Variants in ERBB4 observed in about 807,000 individuals in gnomAD.
ERBB4 encodes receptor tyrosine-protein kinase erbB-4.
A neutral mutation model predicts 158.0 loss-of-function variants in ERBB4; 42 were observed. That is an observed-to-expected ratio of 0.27 (90% CI 0.21 to 0.34). ERBB4 has a LOEUF of 0.34. Among genes scored for constraint, ERBB4 ranks in the 10% least tolerant of loss-of-function variants. The pLI is 1.00. For missense variants in ERBB4, 1,333 were observed against 1,624.1 expected (o/e 0.82, Z 3.08); for synonymous variants, 583 against 558.7 (o/e 1.04, Z -0.61).
chr2:212,358,874 T>C (rs1409725407), intron 1 of ERBB4, among the ~76,000 whole-genome samples: 2 of 151,758 alleles, frequency 1.3e-5, no homozygotes, highest in Admixed American at 6.6e-5. Flanking sequence ...TCAAAAGATA[T>C]ATACAATATA....
chr2:211,475,698 T>C (rs530673352), intron 20 of ERBB4, among the ~76,000 whole-genome samples: 5 of 152,216 alleles, frequency 3.3e-5, no homozygotes, highest in East Asian at 1.9e-4. Flanking sequence ...CTTGTCAAAA[T>C]TGGACTAGAC....
At chr2:211,486,015 T>C (rs566683093) in intron 20 of ERBB4, among the ~76,000 whole-genome samples, 1 of 152,302 alleles carries the variant, frequency 6.6e-6, no homozygotes, top group Admixed American at 6.5e-5. Flanking sequence ...TTTATATTTA[T>C]GTTTTTCTGT....
At chr2:211,481,681 T>C (rs1190046793) in intron 20 of ERBB4, among the ~76,000 whole-genome samples, 1 of 152,124 alleles carries the variant, frequency 6.6e-6, no homozygotes, top group Non-Finnish European at 1.5e-5. Context: ...CTCTTAATAT[T>C]CAACATAGTG....
At chr2:211,704,275 A>G (rs2106046887) in intron 10 of ERBB4, 81 bp from the exon 11 acceptor site, 1 of 915,980 alleles carries the variant, frequency 1.1e-6, no homozygotes, top group East Asian at 2.4e-5. Context: ...ATATGGTGAA[A>G]ATGTGTTGAA....
At chr2:212,173,585 G>C (rs1351263316) in intron 1 of ERBB4, among the ~76,000 whole-genome samples, 1 of 152,122 alleles carries the variant, frequency 6.6e-6, no homozygotes, top group East Asian at 1.9e-4. Flanking sequence ...TGTGTACCAG[G>C]AGATTTCACT....
chr2:211,453,177 C>A (rs1372825093), intron 20 of ERBB4, among the ~76,000 whole-genome samples: 1 of 152,158 alleles, frequency 6.6e-6, no homozygotes, highest in East Asian at 1.9e-4. Flanking sequence ...AATGGTAACA[C>A]CTCAAGAAAA....
chr2:212,023,270 C>A lies in ERBB4; in HGVS notation c.235-75654G>T, dbSNP rs149189676. On this transcript the variant is annotated intron_variant, in intron 2 of 27. Transcript: ENST00000342788. ...TACTTTACTACATAATTTTTGTAGT[C>A]CATTGTAGTTCATTTTGAAATTTCA... Among the ~76,000 whole-genome samples, 86 of 152,156 alleles carry A rather than the reference C, an allele frequency of 5.7e-4. No individual in the cohort carries two copies. The East Asian group carries it at 0.016, about 28-fold the overall frequency.
At chr2:211,877,513 TC>T (rs1240419658) in intron 3 of ERBB4, among the ~76,000 whole-genome samples, 1 of 152,154 alleles carries the variant, frequency 6.6e-6, no homozygotes, top group Non-Finnish European at 1.5e-5. Context: ...AAGCATACTT[TC>T]GGGGTTTTTC....
At chr2:211,743,929 C>T (rs537058210) in intron 5 of ERBB4, among the ~76,000 whole-genome samples, 2 of 152,268 alleles carry the variant, frequency 1.3e-5, no homozygotes, top group African/African-American at 2.4e-5. Context: ...TTTATAGGGT[C>T]ATGGTGCTCT....
chr2:212,346,751 A>G (rs2106331974), intron 1 of ERBB4, among the ~76,000 whole-genome samples: 1 of 152,234 alleles, frequency 6.6e-6, no homozygotes, highest in Non-Finnish European at 1.5e-5. Context: ...TATGTGTTGA[A>G]ACTTTAATGC....
chr2:212,082,227 T>C (rs1227126094), intron 2 of ERBB4, among the ~76,000 whole-genome samples: 2 of 152,110 alleles, frequency 1.3e-5, no homozygotes, highest in Non-Finnish European at 2.9e-5. Context: ...ATTACATATA[T>C]AGAAATTATT....
rs531784339 is a variant in ERBB4 at position 211,762,678 on chromosome 2, G to A, written c.557-11974C>T. Among the ~76,000 whole-genome samples, 52 of 152,284 alleles carry A rather than the reference G, an allele frequency of 3.4e-4. No individual in the cohort carries two copies. In the South Asian group the frequency reaches 9.9e-3, roughly 29 times the overall value. ...AACCACCCACGTGTTCACTTTGTGAGTGGTGTCACATTTGAGAAACGTGGT... is the reference window on the plus strand; with the variant it reads ...AACCACCCACGTGTTCACTTTGTGAATGGTGTCACATTTGAGAAACGTGGT... On this transcript the variant is annotated intron_variant, in intron 4 of 27. Coordinates refer to ENST00000342788, the MANE Select transcript of ERBB4 (RefSeq NM_005235.3).
intron 19 of ERBB4, among the ~76,000 whole-genome samples, chr2:211,600,434 A>C (rs1312731893): frequency 6.6e-6 from 1 of 152,208 alleles, no homozygotes; most frequent in Admixed American, 6.5e-5. Flanking sequence ...CCAAGTGCCT[A>C]CAAAGAGGGA....
rs543559553 is a variant in ERBB4, at chr2:211,382,388, G to C, written c.*1227C>G. The C allele has an allele frequency of 4.3e-6, 1 of 232,442 alleles. No homozygotes were observed. Among genetic ancestry groups the C allele is most frequent in the East Asian group, 6.1e-5 (1 of 16,414 alleles). The allele number at this position is 232,442 out of a possible 1,614,324, so 14.4% of individuals were successfully genotyped here. ...CCGTTGCAAGGTTCCTAATTTGCTT[G>C]GTTTGGCATTTCCACAGTCTTTATC... On this transcript the variant is annotated 3_prime_UTR_variant, in exon 28 of 28. Coordinates refer to ENST00000342788, the MANE Select transcript of ERBB4 (RefSeq NM_005235.3).
chr2:212,381,471 TATATGTGTAGTGAGA>T (rs1236168705), intron 1 of ERBB4, among the ~76,000 whole-genome samples: 7 of 151,356 alleles, frequency 4.6e-5, no homozygotes, highest in Non-Finnish European at 1.0e-4. Context: ...CTATTACATG[TATATGTGTAGTGAGA>T]CATTACTTTT....
intron 1 of ERBB4, among the ~76,000 whole-genome samples, chr2:212,478,486 G>A (rs1317938885): frequency 2.0e-5 from 3 of 149,628 alleles, no homozygotes; most frequent in South Asian, 2.1e-4. Flanking sequence ...ATAAGTGAGC[G>A]AGAGTATTCA....
chr2:212,408,408 T>C (rs780686400), intron 1 of ERBB4, among the ~76,000 whole-genome samples: 1 of 152,162 alleles, frequency 6.6e-6, no homozygotes, highest in Non-Finnish European at 1.5e-5. Flanking sequence ...TCCAAAATTT[T>C]AAATTCAACA....
intron 3 of ERBB4, among the ~76,000 whole-genome samples, chr2:211,876,474 T>C (rs192051149): frequency 6.6e-6 from 1 of 152,184 alleles, no homozygotes; most frequent in Admixed American, 6.5e-5. Flanking sequence ...CAATTAAAGT[T>C]TATTCTTTTT....
At chr2:212,452,286 T>A (rs2092457590) in intron 1 of ERBB4, among the ~76,000 whole-genome samples, 1 of 152,208 alleles carries the variant, frequency 6.6e-6, no homozygotes. Flanking sequence ...GATTAAACTA[T>A]AATTCTTTTA....
Sources: gnomAD v4.1 joint callset for allele counts (sites outside exome capture counted in the v4.1 genomes callset) on GRCh38, gnomAD v4.1.1 for gene constraint, MANE v1.5 for transcripts, NCBI Gene and HGNC (gene_info 2026-07-23, HGNC 2026-07-21) for gene names.